Variants in UVRAG observed in about 807,000 individuals in gnomAD.
UVRAG encodes UV radiation resistance-associated gene protein.
A neutral mutation model predicts 78.0 loss-of-function variants in UVRAG; 19 were observed. That is an observed-to-expected ratio of 0.24 (90% CI 0.17 to 0.36). UVRAG has a LOEUF of 0.36. Ranked by LOEUF, UVRAG falls within the 10% of genes least tolerant of loss-of-function variation. The pLI, the probability that UVRAG is intolerant of heterozygous loss-of-function variation, is 1.00. For missense variants in UVRAG, 740 were observed against 853.8 expected, an observed-to-expected ratio of 0.87 and a Z score of 1.66; for synonymous variants, 323 against 324.6, an observed-to-expected ratio of 1.00 and a Z score of 0.05.
chr11:75,957,537 T>C (rs187450183), intron 6 of UVRAG, among the ~76,000 whole-genome samples: 1 of 152,270 alleles, frequency 6.6e-6, no homozygotes, highest in East Asian at 1.9e-4. Flanking sequence ...TGCTTTTCTC[T>C]ATAAATTACA....
At chr11:75,822,236 G>A (rs1945409955) in intron 1 of UVRAG, among the ~76,000 whole-genome samples, 1 of 152,132 alleles carries the variant, frequency 6.6e-6, no homozygotes, top group Non-Finnish European at 1.5e-5. Context: ...GAGCCACCAT[G>A]CCTGGCTGAT....
chr11:76,127,611 G>A (rs1952431129), intron 14 of UVRAG, among the ~76,000 whole-genome samples: 1 of 144,310 alleles, frequency 6.9e-6, no homozygotes, highest in Non-Finnish European at 1.5e-5. Context: ...TCCAGCCTGG[G>A]CAACAAGAAC....
At chr11:75,815,707 G>A (rs1195736551) in intron 1 of UVRAG, among the ~76,000 whole-genome samples, 183 bp downstream of exon 1, 1 of 152,142 alleles carries the variant, frequency 6.6e-6, no homozygotes, top group African/African-American at 2.4e-5. Context: ...CCGAACCTCC[G>A]GGAGATCCCG....
chr11:75,865,859 C>T (rs1340816096), intron 3 of UVRAG, among the ~76,000 whole-genome samples: 2 of 152,140 alleles, frequency 1.3e-5, no homozygotes, highest in Admixed American at 1.3e-4. Context: ...CGGTGATCTG[C>T]CCACCTCAGC....
At position 76,128,898 on chromosome 11, in the gene UVRAG, G is replaced by A. The variant is rs144948539; in HGVS notation, c.1398-11813G>A. ...ATGCCTTGTGTTTTAATTTTAAAGA[G>A]TTTAAATATCATTTTATATGATGTT... On this transcript the variant is annotated intron_variant, in intron 14 of 14. Coordinates refer to ENST00000356136, the MANE Select transcript of UVRAG (RefSeq NM_003369.4). 1.6e-3 allele frequency among the ~76,000 whole-genome samples: 237 copies of A among 152,300 alleles called. 5 individuals carry two copies. Among genetic ancestry groups the A allele is most frequent in the African/African-American group, 5.2e-3 (217 of 41,562 alleles).
At chr11:75,846,907 T>C (rs1191456914) in intron 1 of UVRAG, among the ~76,000 whole-genome samples, 1 of 152,108 alleles carries the variant, frequency 6.6e-6, no homozygotes, top group East Asian at 1.9e-4. Context: ...CACTGCAACC[T>C]CTGCCTCCCT....
chr11:75,988,519 T>C (rs1949543935), intron 8 of UVRAG, among the ~76,000 whole-genome samples: 2 of 152,246 alleles, frequency 1.3e-5, no homozygotes, highest in South Asian at 4.1e-4. Context: ...TAATGGCCAT[T>C]GGGTTTGTTT....
chr11:75,844,079 T>C (rs929039453), intron 1 of UVRAG, among the ~76,000 whole-genome samples: 1 of 152,086 alleles, frequency 6.6e-6, no homozygotes, highest in Non-Finnish European at 1.5e-5. Flanking sequence ...CTGAGCTGAA[T>C]TGTGTGAACA....
chr11:76,119,943 C>T (rs1952245673), intron 14 of UVRAG, among the ~76,000 whole-genome samples: 1 of 152,190 alleles, frequency 6.6e-6, no homozygotes, highest in Non-Finnish European at 1.5e-5. Flanking sequence ...GATACCACTC[C>T]CTTTCCACTC....
At chr11:76,102,482 G>A (rs975389922) in intron 13 of UVRAG, among the ~76,000 whole-genome samples, 1 of 152,146 alleles carries the variant, frequency 6.6e-6, no homozygotes, top group Non-Finnish European at 1.5e-5. Flanking sequence ...AAGACTGGGG[G>A]TTTTGGAGAT....
intron 9 of UVRAG, among the ~76,000 whole-genome samples, chr11:76,005,940 A>G (rs192743432): frequency 2.6e-3 from 400 of 152,308 alleles, no homozygotes; most frequent in Admixed American, 4.5e-3. Context: ...GTGCACATCA[A>G]TCTCCAGACA....
intron 1 of UVRAG, among the ~76,000 whole-genome samples, chr11:75,844,289 A>T (rs1945985943): frequency 6.6e-6 from 1 of 151,232 alleles, no homozygotes; most frequent in South Asian, 2.1e-4. Context: ...GTGCAGTGGC[A>T]CTATCTCGGC....
At chr11:76,008,940 G>T in intron 11 of UVRAG, 73 bp downstream of exon 11, 3 of 909,236 alleles carry the variant, frequency 3.3e-6, no homozygotes, top group Non-Finnish European at 4.9e-6. Context: ...AATGCTGGTT[G>T]CCTAGCACTT....
intron 5 of UVRAG, among the ~76,000 whole-genome samples, chr11:75,900,777 AC>A (rs1167230593): frequency 6.6e-6 from 1 of 152,218 alleles, no homozygotes; most frequent in Non-Finnish European, 1.5e-5. Flanking sequence ...ATGAACAAAA[AC>A]ATCTTCATCT....
chr11:75,898,153 G>A (rs907011914), intron 5 of UVRAG, among the ~76,000 whole-genome samples: 1 of 152,180 alleles, frequency 6.6e-6, no homozygotes, highest in Non-Finnish European at 1.5e-5. Flanking sequence ...ACAGGCGTGA[G>A]CCACTGCGCC....
At chr11:75,818,050 A>G (rs933251448) in intron 1 of UVRAG, among the ~76,000 whole-genome samples, 5 of 150,150 alleles carry the variant, frequency 3.3e-5, no homozygotes, top group Admixed American at 2.0e-4. Flanking sequence ...ACAGAGTGAG[A>G]CTCTATCTAA....
chr11:76,106,473 C>T (rs1002597129), intron 13 of UVRAG, among the ~76,000 whole-genome samples: 3 of 151,998 alleles, frequency 2.0e-5, no homozygotes, highest in Non-Finnish European at 4.4e-5. Flanking sequence ...TCAAGCAATT[C>T]TCTCACCTTA....
chr11:76,005,611 G>A (rs372280532), intron 9 of UVRAG, among the ~76,000 whole-genome samples: 3 of 152,186 alleles, frequency 2.0e-5, no homozygotes, highest in African/African-American at 7.2e-5. Context: ...TTCTCACTCT[G>A]TCTTCCTGCA....
intron 7 of UVRAG, among the ~76,000 whole-genome samples, chr11:75,964,831 G>A (rs981870007): frequency 5.3e-5 from 8 of 152,170 alleles, no homozygotes; most frequent in Non-Finnish European, 1.0e-4. Context: ...ATGGATATCC[G>A]GTTGATTTAG....
Sources: gnomAD v4.1 joint callset for allele counts (sites outside exome capture counted in the v4.1 genomes callset) on GRCh38, gnomAD v4.1.1 for gene constraint, MANE v1.5 for transcripts, NCBI Gene and HGNC (gene_info 2026-07-23, HGNC 2026-07-21) for gene names.